Variants in HAGH observed in about 807,000 individuals in gnomAD.
HAGH encodes hydroxyacylglutathione hydrolase.
Under a neutral mutation model 35.1 loss-of-function variants are expected in HAGH, and 29 were observed. The observed-to-expected ratio is 0.83, with a 90% confidence interval of 0.62 to 1.13. The LOEUF is 1.13. HAGH is among the 50% of genes most tolerant of loss of function. The pLI is 0.00. For missense variants in HAGH, 478 were observed against 419.6 expected, an observed-to-expected ratio of 1.14 and a Z score of -1.22; for synonymous variants, 225 against 176.1, an observed-to-expected ratio of 1.28 and a Z score of -2.20.
chr16:1,822,160 GTCTT>G (rs142378443), intron 3 of HAGH, 136 bp downstream of exon 3: 8,336 of 655,934 alleles, frequency 0.013, 462 homozygotes, highest in African/African-American at 0.12. Context: ...TGAGTCCCGG[GTCTT>G]TCTCAGAAGT....
intron 7 of HAGH, among the ~76,000 whole-genome samples, chr16:1,815,455 A>G (rs1010150945): frequency 2.0e-5 from 3 of 152,232 alleles, no homozygotes; most frequent in African/African-American, 7.2e-5. Flanking sequence ...TTTCCACACA[A>G]TGGGCTACTC....
At chr16:1,815,835 A>G (rs914434517) in intron 7 of HAGH, among the ~76,000 whole-genome samples, 1 of 152,046 alleles carries the variant, frequency 6.6e-6, no homozygotes, top group African/African-American at 2.4e-5. Context: ...CCTGGCCAAC[A>G]TGGCAAAACC....
At chr16:1,820,062 TGCCTGCTGAGCTG>T in intron 3 of HAGH, 48 bp from the exon 4 acceptor site, 1 of 1,064,418 alleles carries the variant, frequency 9.4e-7, no homozygotes, top group Non-Finnish European at 1.5e-6. Context: ...CTGAGGGGGC[TGCCTGCTGAGCTG>T]AGGGGGCTGC....
At chr16:1,819,290 C>G in intron 4 of HAGH, 67 bp from the exon 5 acceptor site, 2 of 1,043,068 alleles carry the variant, frequency 1.9e-6, no homozygotes, top group Non-Finnish European at 1.4e-6. Flanking sequence ...GGGGTCACGG[C>G]GCGCCGCCTG....
At chr16:1,818,995 CT>C (rs1898026631) in intron 5 of HAGH, 119 bp downstream of exon 5, 1 of 668,438 alleles carries the variant, frequency 1.5e-6, no homozygotes, top group Non-Finnish European at 2.7e-6. Context: ...GCACCCACCC[CT>C]GGGCCCCCTC....
At chr16:1,823,116 A>T in intron 1 of HAGH, 79 bp from the exon 2 acceptor site, 1 of 1,237,014 alleles carries the variant, frequency 8.1e-7, no homozygotes, top group South Asian at 1.2e-5. Flanking sequence ...AGTGCTTCCC[A>T]GCCTTTCTAG....
chr16:1,822,717 T>C (rs1596939389), intron 2 of HAGH, 148 bp downstream of exon 2: 2 of 688,542 alleles, frequency 2.9e-6, no homozygotes, highest in Non-Finnish European at 5.1e-6. Context: ...TCCACCCTTC[T>C]TGGAGCCCTG....
intron 7 of HAGH, chr16:1,812,463 C>T (rs1596913195): frequency 6.7e-6 from 1 of 150,032 alleles, no homozygotes; most frequent in South Asian, 2.1e-4. Flanking sequence ...GAGATCGCGC[C>T]ATTGCACTCC....
chr16:1,822,840 G>GAGAGCCAGGC (rs769331314), intron 2 of HAGH, 25 bp downstream of exon 2: 3 of 1,603,276 alleles, frequency 1.9e-6, no homozygotes, highest in Non-Finnish European at 2.6e-6. Flanking sequence ...CCAGGGCAGG[G>GAGAGCCAGGC]AGAGCCAGGC....
chr16:1,809,863 G>C lies in HAGH; in HGVS notation c.748-30C>G, dbSNP rs746485896. 3.7e-5 allele frequency: 58 copies of C among 1,556,988 alleles called. 1 individual carries two copies. The South Asian group carries it at 6.4e-4, about 17-fold the overall frequency. On this transcript the variant is annotated intron_variant, in intron 7 of 8. Transcript: ENST00000397356. ...AAGAGAAACGCACCACTTTATCACG[G>C]GAACTTCACAGGATGGCAGACCAGG... is the stretch of plus-strand genomic sequence containing the variant.
Position 1,808,016 on chromosome 16 carries a change from G to A in HAGH, c.*1267C>T, listed in dbSNP as rs1199560470. On this transcript the variant is annotated 3_prime_UTR_variant, in exon 9 of 9. Coordinates refer to ENST00000397356, the MANE Select transcript of HAGH (RefSeq NM_005326.6). ...CACCTCCCCTCACAGCTCACTGACA[G>A]AGCAGTCAGTCAGTCAGTGAATAGG... The A allele has an allele frequency of 6.6e-6, 1 of 152,334 alleles. No individual in the cohort carries two copies. Among genetic ancestry groups the A allele is most frequent in the Non-Finnish European group, 1.5e-5 (1 of 68,114 alleles). 9.4% of individuals were successfully genotyped at this position (152,334 alleles called of 1,614,324 possible). A position where few individuals can be genotyped will look rare whatever the true frequency, so the allele number is the denominator to read the frequency against.
At chr16:1,822,274 A>G (rs1471097821) in intron 3 of HAGH, 26 bp downstream of exon 3, 2 of 1,527,424 alleles carry the variant, frequency 1.3e-6, no homozygotes, top group East Asian at 4.5e-5. Flanking sequence ...CAGGTCCCAC[A>G]CCCCCAGGTG....
chr16:1,823,582 C>A (rs78150312), intron 1 of HAGH, among the ~76,000 whole-genome samples: 14 of 151,020 alleles, frequency 9.3e-5, no homozygotes, highest in African/African-American at 3.4e-4. Context: ...CTTGTCTTTG[C>A]AAATTTAAAA....
At chr16:1,812,329 C>T (rs1451746466) in intron 7 of HAGH, 1 of 151,186 alleles carries the variant, frequency 6.6e-6, no homozygotes, top group East Asian at 1.9e-4. Flanking sequence ...CATGGTAAAA[C>T]CCCATCTCTA....
intron 5 of HAGH, among the ~76,000 whole-genome samples, chr16:1,817,484 C>T (rs1442893166): frequency 2.0e-5 from 3 of 152,132 alleles, no homozygotes; most frequent in Non-Finnish European, 4.4e-5. Context: ...CCCAACTGGC[C>T]GAGCAGACCC....
rs557982183 is a variant in HAGH at position 1,824,539 on chromosome 16, C to T, written c.77-1502G>A. Among the ~76,000 whole-genome samples, 34 of 151,796 alleles carry T rather than the reference C, an allele frequency of 2.2e-4. 1 individual carries two copies. The South Asian group carries it at 5.4e-3, about 24-fold the overall frequency. ...GGGGCCCCGACAATACCTTCAGTTC[C>T]GCTCTACACGGGGAAGAAACCACAG... On this transcript the variant is annotated intron_variant, in intron 1 of 8. Transcript: ENST00000397356.
chr16:1,823,165 T>C (rs1567263164), intron 1 of HAGH, 128 bp from the exon 2 acceptor site: 1 of 777,992 alleles, frequency 1.3e-6, no homozygotes, highest in African/African-American at 1.7e-5. Context: ...GGTATGGTGG[T>C]TCTTGCCGGG....
chr16:1,819,705 G>A (rs1215513127), intron 4 of HAGH, 192 bp downstream of exon 4: 16 of 617,718 alleles, frequency 2.6e-5, no homozygotes, highest in Middle Eastern at 4.3e-4. Context: ...TCACAGCCCC[G>A]CACACAGCCG....
intron 8 of HAGH, 142 bp downstream of exon 8, chr16:1,809,612 T>G: frequency 1.4e-6 from 1 of 733,258 alleles, no homozygotes; most frequent in Non-Finnish European, 2.4e-6. Context: ...TCAAGAAGAG[T>G]GCTCGGGCTC....
Sources: allele counts gnomAD v4.1 joint callset (sites outside exome capture counted in the v4.1 genomes callset), GRCh38; gene constraint gnomAD v4.1.1; transcripts MANE v1.5; gene names NCBI Gene and HGNC (gene_info 2026-07-23, HGNC 2026-07-21).